Variants in WDR72 observed in about 807,000 individuals in gnomAD.
WDR72 encodes the protein WD repeat domain 72.
WDR72 carries 120 observed loss-of-function variants against 124.2 expected under a neutral mutation model. That is an observed-to-expected ratio of 0.97 (90% CI 0.83 to 1.12). The LOEUF is 1.12. WDR72 is among the 50% of genes most tolerant of loss of function. The probability of loss-of-function intolerance (pLI) is 0.00; values close to 1 mark genes in which losing one functional copy is unlikely to be tolerated. For synonymous variants in WDR72, 452 were observed against 441.7 expected, an observed-to-expected ratio of 1.02 and a Z score of -0.29; for missense variants, 1,387 against 1,278.8, an observed-to-expected ratio of 1.08 and a Z score of -1.29.
intron 18 of WDR72, among the ~76,000 whole-genome samples, chr15:53,573,794 C>A (rs1022244059): frequency 1.3e-5 from 2 of 152,252 alleles, no homozygotes; most frequent in African/African-American, 4.8e-5. Flanking sequence ...GATCCACTGG[C>A]CTTGGCCTCC....
intron 18 of WDR72, among the ~76,000 whole-genome samples, chr15:53,561,488 T>C (rs2140294206): frequency 6.6e-6 from 1 of 151,968 alleles, no homozygotes; most frequent in Admixed American, 6.6e-5. Context: ...TGCTGCATTC[T>C]GGTTCTATTT....
chr15:53,610,109 T>A (rs2013476193), intron 16 of WDR72, among the ~76,000 whole-genome samples: 1 of 152,052 alleles, frequency 6.6e-6, no homozygotes, highest in East Asian at 1.9e-4. Flanking sequence ...CTTTGATCAA[T>A]AGGTAGAGCA....
At chr15:53,547,799 G>A (rs1439736347) in intron 18 of WDR72, among the ~76,000 whole-genome samples, 1 of 152,172 alleles carries the variant, frequency 6.6e-6, no homozygotes, top group East Asian at 1.9e-4. Flanking sequence ...TAATGATAGA[G>A]GAATTGATCT....
At position 53,668,974 on chromosome 15, in the gene WDR72, G is replaced by GAGA. The variant is rs1555421497; in HGVS notation, c.1766-3207_1766-3206insTCT. Among the ~76,000 whole-genome samples, 9 of 112,894 alleles carry GAGA rather than the reference G, an allele frequency of 8.0e-5. No individual in the cohort carries two copies. The South Asian group carries it at 1.2e-3, about 15-fold the overall frequency. The allele number at this position is 112,894 out of a possible 152,430, so 74.1% of individuals were successfully genotyped here. ...GGAGGAGGAGGAGAAGGAGGAGGAG[G>GAGA]AGGAGAAGGAGAAGGAGGAGGAGAA... On this transcript the variant is annotated intron_variant, in intron 13 of 19. Transcript: ENST00000360509.
rs780775210 is a variant in WDR72, at chr15:53,711,425, C to T, written c.768G>A (p.Gln256=). 1.9e-6 allele frequency: 3 copies of T among 1,614,148 alleles called. No homozygotes were observed. The highest frequency in any genetic ancestry group is 2.5e-6 in the Non-Finnish European group (3 of 1,180,038). Reference sequence around the variant, plus strand: ...CAATCACTTCTCCACCAGCAAAGAACTGCCCATTTCTACTAACTTCAGTCA... The same window carrying T: ...CAATCACTTCTCCACCAGCAAAGAATTGCCCATTTCTACTAACTTCAGTCA... ...LLLTEVSRNG[Q]FFAGGEVIAA... is the part of the protein sequence containing the mutation. The change falls in exon 8 of 20, where the codon CAG becomes CAA. Residue 256 remains glutamine, a synonymous_variant. Transcript: ENST00000360509.
intron 14 of WDR72, among the ~76,000 whole-genome samples, chr15:53,646,445 C>T (rs2015044968): frequency 1.3e-5 from 2 of 152,132 alleles, no homozygotes; most frequent in Non-Finnish European, 1.5e-5. Context: ...AAACAAACTG[C>T]TCATCATTTT....
chr15:53,611,633 A>C (rs886816199), intron 16 of WDR72, among the ~76,000 whole-genome samples: 1 of 152,100 alleles, frequency 6.6e-6, no homozygotes, highest in Non-Finnish European at 1.5e-5. Flanking sequence ...AAGTGGCCTG[A>C]CACAGTGGAC....
intron 18 of WDR72, among the ~76,000 whole-genome samples, chr15:53,596,203 T>TATAAC (rs2012764509): frequency 6.6e-6 from 1 of 152,196 alleles, no homozygotes; most frequent in East Asian, 1.9e-4. Context: ...TATGTAAATT[T>TATAAC]ATAACATGTT....
At chr15:53,716,557 A>G (rs2017713362) in intron 4 of WDR72, 50 bp downstream of exon 4, 2 of 1,258,408 alleles carry the variant, frequency 1.6e-6, no homozygotes, top group Admixed American at 1.7e-5. Flanking sequence ...CAAATGCCCT[A>G]AACAAGTTGC....
chr15:53,665,034 A>G (rs1324557370), intron 14 of WDR72, among the ~76,000 whole-genome samples: 1 of 152,168 alleles, frequency 6.6e-6, no homozygotes, highest in South Asian at 2.1e-4. Context: ...AAAAAACAAT[A>G]AAGCTAGTCC....
At chr15:53,749,480 T>C (rs1196607329) in intron 1 of WDR72, among the ~76,000 whole-genome samples, 2 of 152,082 alleles carry the variant, frequency 1.3e-5, no homozygotes, top group Admixed American at 1.3e-4. Flanking sequence ...CCTCTCTCCC[T>C]CTCCTCAGTC....
At chr15:53,722,268 C>T (rs1451302341) in intron 3 of WDR72, among the ~76,000 whole-genome samples, 1 of 152,034 alleles carries the variant, frequency 6.6e-6, no homozygotes. Context: ...CTCCTGACCT[C>T]AGGTGATCCG....
chr15:53,676,630 T>G (rs1433593271), intron 13 of WDR72, among the ~76,000 whole-genome samples: 1 of 152,162 alleles, frequency 6.6e-6, no homozygotes, highest in African/African-American at 2.4e-5. Context: ...TGAATTAGTT[T>G]GAAAGTGAAT....
At position 53,516,801 on chromosome 15, in the gene WDR72, T is replaced by C. The variant is rs886051296; in HGVS notation, c.*898A>G. 6.6e-5 allele frequency: 10 copies of C among 152,124 alleles called. No individual in the cohort carries two copies. Among genetic ancestry groups the C allele is most frequent in the Non-Finnish European group, 1.5e-4 (10 of 67,984 alleles). 9.4% of individuals were successfully genotyped at this position (152,124 alleles called of 1,614,324 possible). A position where few individuals can be genotyped will look rare whatever the true frequency, so the allele number is the denominator to read the frequency against. ...TTCTGTAAATCGAGGAACTGTACAA[T>C]ATAAATCATAGTAAATAGATCACCA... On this transcript the variant is annotated 3_prime_UTR_variant, in exon 20 of 20. Transcript: ENST00000360509.
At chr15:53,684,560 C>T (rs1421503674) in intron 13 of WDR72, 5 of 161,126 alleles carry the variant, frequency 3.1e-5, no homozygotes, top group Non-Finnish European at 5.3e-5. Flanking sequence ...GAGGGTCCTA[C>T]GCCCATGGAG....
intron 17 of WDR72, among the ~76,000 whole-genome samples, chr15:53,608,316 C>T (rs554131143): frequency 6.6e-6 from 1 of 152,254 alleles, no homozygotes; most frequent in Non-Finnish European, 1.5e-5. Context: ...GGTACACATA[C>T]ACAATACAGC....
chr15:53,650,893 G>GTTTTTTTTTTTT (rs71297666), intron 14 of WDR72, among the ~76,000 whole-genome samples: 2 of 106,782 alleles, frequency 1.9e-5, no homozygotes, highest in African/African-American at 3.8e-5. Context: ...CTCTAATTCA[G>GTTTTTTTTTTTT]TTTTTTTTTT....
intron 1 of WDR72, among the ~76,000 whole-genome samples, chr15:53,744,172 T>C (rs1567060723): frequency 6.6e-6 from 1 of 152,162 alleles, no homozygotes; most frequent in Non-Finnish European, 1.5e-5. Context: ...CCCATCAGCA[T>C]GCCATCGTAC....
At chr15:53,759,488 C>G (rs1019961805) in intron 1 of WDR72, 145 bp downstream of exon 1, 9 of 152,284 alleles carry the variant, frequency 5.9e-5, no homozygotes, top group Admixed American at 2.0e-4. Context: ...CTTTCCCGGC[C>G]CAGCTGTATC....
Sources: allele counts gnomAD v4.1 joint callset (sites outside exome capture counted in the v4.1 genomes callset), GRCh38; gene constraint gnomAD v4.1.1; transcripts MANE v1.5; gene names NCBI Gene and HGNC (gene_info 2026-07-23, HGNC 2026-07-21).